Variants in MAGI2 observed in about 807,000 individuals in gnomAD.
MAGI2 encodes the protein membrane-associated guanylate kinase, WW and PDZ domain-containing protein 2.
Under a neutral mutation model 133.3 loss-of-function variants are expected in MAGI2, and 35 were observed. The ratio of observed to expected loss-of-function variants is 0.26; its 90% CI spans 0.20 to 0.35. MAGI2 has a LOEUF of 0.35. Among genes scored for constraint, MAGI2 ranks in the 10% least tolerant of loss-of-function variants. The probability of loss-of-function intolerance (pLI) is 1.00; values close to 1 mark genes in which losing one functional copy is unlikely to be tolerated. For missense variants in MAGI2, 1,636 were observed against 1,863.4 expected (o/e 0.88, Z 2.25); for synonymous variants, 729 against 710.6 (o/e 1.03, Z -0.41).
At chr7:79,289,933 C>T (rs1017538402) in intron 1 of MAGI2, among the ~76,000 whole-genome samples, 7 of 151,890 alleles carry the variant, frequency 4.6e-5, no homozygotes, top group Non-Finnish European at 8.8e-5. Flanking sequence ...TATAATTTCT[C>T]TTCATTTAAC....
At position 78,057,999 on chromosome 7, in the gene MAGI2, A is replaced by ATGTGTGTGTGTGTGTGTGTG. The variant is rs762405456; in HGVS notation, c.3706+20947_3706+20948insCACACACACACACACACACA. 2.9e-4 allele frequency among the ~76,000 whole-genome samples: 31 copies of ATGTGTGTGTGTGTGTGTGTG among 108,572 alleles called. 1 individual carries two copies. Among genetic ancestry groups the ATGTGTGTGTGTGTGTGTGTG allele is most frequent in the African/African-American group, 6.8e-4 (19 of 28,124 alleles). The allele number at this position is 108,572 out of a possible 152,430, so 71.2% of individuals were successfully genotyped here. On this transcript the variant is annotated intron_variant, in intron 21 of 21. Transcript: ENST00000354212. ...TGTGTATATATATATATATATATATATATATGTATGAGAAACATCTTGAAT... is the reference window on the plus strand; with the variant it reads ...TGTGTATATATATATATATATATATATGTGTGTGTGTGTGTGTGTGTATATGTATGAGAAACATCTTGAAT...
chr7:78,156,160 A>G (rs1584181590), intron 16 of MAGI2, among the ~76,000 whole-genome samples: 1 of 152,312 alleles, frequency 6.6e-6, no homozygotes, highest in Non-Finnish European at 1.5e-5. Context: ...GAAAACTGCA[A>G]TTCTAGCCTG....
chr7:79,414,394 G>A (rs1846355050), intron 1 of MAGI2: 1 of 151,988 alleles, frequency 6.6e-6, no homozygotes, highest in South Asian at 2.1e-4. Context: ...TCTCTACTAA[G>A]GTGGGTTATA....
intron 1 of MAGI2, among the ~76,000 whole-genome samples, chr7:79,051,470 C>T (rs564453291): frequency 1.1e-3 from 161 of 152,272 alleles, no homozygotes; most frequent in African/African-American, 3.8e-3. Context: ...CTCAGTGCAA[C>T]ATGTGAAACT....
intron 3 of MAGI2, among the ~76,000 whole-genome samples, chr7:78,610,987 G>A (rs1046630722): frequency 2.6e-4 from 39 of 152,340 alleles, no homozygotes; most frequent in African/African-American, 8.7e-4. Flanking sequence ...CTACTTCAGA[G>A]ACTTCCTTCA....
At chr7:78,827,847 A>G (rs1790799422) in intron 2 of MAGI2, among the ~76,000 whole-genome samples, 1 of 152,156 alleles carries the variant, frequency 6.6e-6, no homozygotes, top group Non-Finnish European at 1.5e-5. Flanking sequence ...ATGTTGGTAT[A>G]TCACCCTTGA....
intron 1 of MAGI2, among the ~76,000 whole-genome samples, chr7:79,043,797 A>G (rs1811914317): frequency 6.6e-6 from 1 of 152,164 alleles, no homozygotes; most frequent in Non-Finnish European, 1.5e-5. Flanking sequence ...GAAAATGTAG[A>G]AGAAATGGAT....
chr7:79,163,079 A>T (rs936028949), intron 1 of MAGI2, among the ~76,000 whole-genome samples: 72 of 151,896 alleles, frequency 4.7e-4, no homozygotes, highest in African/African-American at 1.5e-3. Flanking sequence ...CTGTGACAAA[A>T]CCTCCTTTTC....
chr7:78,187,661 C>A (rs1827819731), intron 12 of MAGI2, among the ~76,000 whole-genome samples: 1 of 152,138 alleles, frequency 6.6e-6, no homozygotes, highest in Non-Finnish European at 1.5e-5. Context: ...GGCAAATTAG[C>A]TTTCTGGCAC....
At chr7:78,591,136 G>A (rs1337432076) in intron 3 of MAGI2, among the ~76,000 whole-genome samples, 2 of 152,156 alleles carry the variant, frequency 1.3e-5, no homozygotes, top group African/African-American at 4.8e-5. Flanking sequence ...AAATGAACAC[G>A]AGGAAGAAAG....
chr7:78,233,490 C>A (rs959733563), intron 10 of MAGI2, among the ~76,000 whole-genome samples: 35 of 152,066 alleles, frequency 2.3e-4, no homozygotes, highest in Admixed American at 5.9e-4. Flanking sequence ...AAAAGGAAGT[C>A]AGATGTTAAG....
At chr7:78,379,012 T>C (rs1794692172) in intron 6 of MAGI2, among the ~76,000 whole-genome samples, 1 of 152,000 alleles carries the variant, frequency 6.6e-6, no homozygotes, top group Non-Finnish European at 1.5e-5. Flanking sequence ...TCATAGAAGT[T>C]ACCAGTACAA....
intron 1 of MAGI2, among the ~76,000 whole-genome samples, chr7:79,187,389 C>T (rs567498077): frequency 6.6e-6 from 1 of 151,782 alleles, no homozygotes; most frequent in South Asian, 2.1e-4. Context: ...AGAAATCTGA[C>T]CAATCTGTAC....
intron 2 of MAGI2, among the ~76,000 whole-genome samples, chr7:78,945,002 G>T (rs1026753594): frequency 6.6e-6 from 1 of 152,016 alleles, no homozygotes; most frequent in Non-Finnish European, 1.5e-5. Context: ...GCTTCCCAAA[G>T]TGCTGGATTT....
At chr7:78,734,388 T>C (rs1239256692) in intron 2 of MAGI2, among the ~76,000 whole-genome samples, 1 of 152,150 alleles carries the variant, frequency 6.6e-6, no homozygotes, top group Non-Finnish European at 1.5e-5. Flanking sequence ...AAGGAACCAC[T>C]GAGAAAGCAG....
chr7:78,630,987 C>T (rs894197517), intron 2 of MAGI2, among the ~76,000 whole-genome samples: 3 of 152,016 alleles, frequency 2.0e-5, no homozygotes, highest in African/African-American at 4.8e-5. Flanking sequence ...TTCTCCTCTT[C>T]CCTAGACCCC....
At chr7:78,879,444 T>A (rs60650530) in intron 2 of MAGI2, among the ~76,000 whole-genome samples, 409 of 152,130 alleles carry the variant, frequency 2.7e-3, no homozygotes, top group African/African-American at 9.6e-3. Context: ...AACGTAAAAC[T>A]GGTCAATGGA....
chr7:78,465,049 T>C (rs1282264211), intron 6 of MAGI2, among the ~76,000 whole-genome samples: 1 of 152,152 alleles, frequency 6.6e-6, no homozygotes, highest in Non-Finnish European at 1.5e-5. Flanking sequence ...TTATGACATA[T>C]GCAAAATAAC....
In MAGI2 at chr7:78,796,258, A is replaced by G. The variant is rs146329213; in HGVS notation, c.419-169019T>C. ...CATCTAACAAGGGATTAGTAACATG[A>G]ATATATAAGGAACTCAAACAACTCA... On this transcript the variant is annotated intron_variant, in intron 2 of 21. Transcript: ENST00000354212. Among the ~76,000 whole-genome samples the G allele has an allele frequency of 5.4e-3, 820 of 152,294 alleles. 7 individuals are homozygous for G. Among genetic ancestry groups the G allele is most frequent in the African/African-American group, 0.019 (774 of 41,564 alleles).
Sources: gnomAD v4.1 joint callset for allele counts (sites outside exome capture counted in the v4.1 genomes callset) on GRCh38, gnomAD v4.1.1 for gene constraint, MANE v1.5 for transcripts, NCBI Gene and HGNC (gene_info 2026-07-23, HGNC 2026-07-21) for gene names.